Variants in CERS3 observed in about 807,000 individuals in gnomAD.
CERS3 encodes LAG1 homolog, ceramide synthase 3.
CERS3 carries 33 observed loss-of-function variants against 50.3 expected under a neutral mutation model. That is an observed-to-expected ratio of 0.66 (90% CI 0.50 to 0.88). CERS3 has a LOEUF of 0.88. Ranked by LOEUF, CERS3 falls within the 40% of genes least tolerant of loss-of-function variation. CERS3 has a pLI of 0.00. For missense variants in CERS3, 470 were observed against 460.3 expected (o/e 1.02, Z -0.19); for synonymous variants, 176 against 155.2 (o/e 1.13, Z -0.99).
chr15:100,495,670 C>G (rs1160775390), intron 3 of CERS3, among the ~76,000 whole-genome samples: 1 of 152,044 alleles, frequency 6.6e-6, no homozygotes, highest in African/African-American at 2.4e-5. Context: ...TTTATATATT[C>G]TGAATTTAAG....
chr15:100,470,234 C>T (rs931000866), intron 9 of CERS3, among the ~76,000 whole-genome samples: 2 of 151,976 alleles, frequency 1.3e-5, no homozygotes, highest in Non-Finnish European at 2.9e-5. Context: ...TGCTGGGGCA[C>T]AGATCACTCT....
chr15:100,511,285 T>A (rs1227981741), intron 2 of CERS3, among the ~76,000 whole-genome samples: 1 of 151,892 alleles, frequency 6.6e-6, no homozygotes, highest in Non-Finnish European at 1.5e-5. Flanking sequence ...CAAGACTCCA[T>A]CTCAAAGAAC....
At chr15:100,513,540 CTTTTT>C (rs11428048) in intron 2 of CERS3, among the ~76,000 whole-genome samples, 3 of 143,918 alleles carry the variant, frequency 2.1e-5, no homozygotes, top group African/African-American at 5.1e-5. Context: ...GTTTTCTTTT[CTTTTT>C]TTTTTTTTTT....
chr15:100,478,320 T>A (rs2035198267), intron 7 of CERS3, among the ~76,000 whole-genome samples: 1 of 152,164 alleles, frequency 6.6e-6, no homozygotes. Context: ...ATATCCAGAA[T>A]AGTGAAGTGT....
chr15:100,473,064 G>A lies in CERS3; in HGVS notation c.610-12C>T, dbSNP rs2035019899. The A allele has an allele frequency of 1.9e-6, 3 of 1,608,214 alleles. No homozygotes were observed. Among genetic ancestry groups the A allele is most frequent in the Non-Finnish European group, 2.5e-6 (3 of 1,177,916 alleles). On this transcript the variant is annotated splice_polypyrimidine_tract_variant and intron_variant, in intron 8 of 11. Transcript: ENST00000679737. ...TGAGCTAGAAAATCCTGTAAGATGAGGGAAAATGGAAGCCATTAAGGAAAT... is the reference window on the plus strand; with the variant it reads ...TGAGCTAGAAAATCCTGTAAGATGAAGGAAAATGGAAGCCATTAAGGAAAT...
chr15:100,440,912 G>A (rs2033650605), intron 11 of CERS3, among the ~76,000 whole-genome samples: 1 of 152,140 alleles, frequency 6.6e-6, no homozygotes, highest in South Asian at 2.1e-4. Context: ...TTTTATCCAT[G>A]GACCCAAAAC....
At chr15:100,533,562 C>CTTTTTT (rs59483467), upstream of CERS3, among the ~76,000 whole-genome samples, 4 of 112,420 alleles carry the variant, frequency 3.6e-5, 1 homozygote, top group African/African-American at 1.0e-4. Flanking sequence ...CCCTCTCTCT[C>CTTTTTT]TTTTTTTTTT....
intron 3 of CERS3, among the ~76,000 whole-genome samples, chr15:100,494,039 G>C (rs1370867778): frequency 6.6e-6 from 1 of 151,440 alleles, no homozygotes; most frequent in African/African-American, 2.4e-5. Context: ...CCTGTGTATA[G>C]TGCATAATTT....
chr15:100,453,723 T>C (rs373724133), intron 11 of CERS3, among the ~76,000 whole-genome samples: 1 of 152,302 alleles, frequency 6.6e-6, no homozygotes, highest in African/African-American at 2.4e-5. Context: ...TCTTTGCAGA[T>C]GGCACGATCT....
intron 4 of CERS3, among the ~76,000 whole-genome samples, chr15:100,489,178 C>A (rs1356456664): frequency 2.6e-5 from 4 of 152,186 alleles, no homozygotes; most frequent in Non-Finnish European, 5.9e-5. Context: ...AACACAGCAC[C>A]AGTCTTTAAA....
intron 2 of CERS3, chr15:100,503,717 C>G: frequency 2.1e-6 from 1 of 471,004 alleles, no homozygotes; most frequent in South Asian, 1.5e-5. Flanking sequence ...TGCCTGGCAG[C>G]TCTTCTGGCA....
intron 3 of CERS3, among the ~76,000 whole-genome samples, chr15:100,499,484 A>G (rs753215029): frequency 1.3e-5 from 2 of 152,194 alleles, no homozygotes; most frequent in Non-Finnish European, 2.9e-5. Context: ...TTTGTTTCTC[A>G]TCTGTCTGTC....
chr15:100,429,349 C>T (rs912873929), intron 11 of CERS3, among the ~76,000 whole-genome samples: 1 of 152,180 alleles, frequency 6.6e-6, no homozygotes, highest in African/African-American at 2.4e-5. Context: ...ATCGGAGTAG[C>T]ACTGCGATGT....
chr15:100,455,803 A>G, intron 11 of CERS3, 90 bp downstream of exon 11: 1 of 851,956 alleles, frequency 1.2e-6, no homozygotes, highest in Non-Finnish European at 1.7e-6. Context: ...TCTGGTTAAA[A>G]CTATGAATTA....
chr15:100,481,561 C>CT (rs1299978250), intron 5 of CERS3, among the ~76,000 whole-genome samples: 1 of 152,236 alleles, frequency 6.6e-6, no homozygotes, highest in East Asian at 1.9e-4. Flanking sequence ...TCCCAAGCAT[C>CT]TATTGATTTC....
intron 11 of CERS3, chr15:100,425,847 G>A (rs1157961641): frequency 6.6e-6 from 1 of 152,114 alleles, no homozygotes; most frequent in Non-Finnish European, 1.5e-5. Context: ...TCTGAATGTT[G>A]GAGGAGGGGC....
intron 11 of CERS3, among the ~76,000 whole-genome samples, chr15:100,407,695 C>T (rs2031158349): frequency 6.6e-6 from 1 of 152,132 alleles, no homozygotes; most frequent in South Asian, 2.1e-4. Flanking sequence ...TGTATCAGTA[C>T]TGGACATTTA....
chr15:100,421,136 T>C (rs576292728), intron 11 of CERS3, among the ~76,000 whole-genome samples: 2 of 151,624 alleles, frequency 1.3e-5, no homozygotes, highest in Admixed American at 6.5e-5. Context: ...AAAGAGGAAG[T>C]CAAATTGACC....
chr15:100,467,786 CAT>C (rs1483402569), intron 10 of CERS3, among the ~76,000 whole-genome samples: 2 of 116,940 alleles, frequency 1.7e-5, no homozygotes, highest in African/African-American at 2.9e-5. Context: ...TATATACACA[CAT>C]ATATATGTAT....
Sources: allele counts gnomAD v4.1 joint callset (sites outside exome capture counted in the v4.1 genomes callset), GRCh38; gene constraint gnomAD v4.1.1; transcripts MANE v1.5; gene names NCBI Gene and HGNC (gene_info 2026-07-23, HGNC 2026-07-21).